The following ROBO1 variants were observed in gnomAD, a reference collection of about 807,000 sequenced individuals.
ROBO1 encodes the protein roundabout homolog 1.
ROBO1 carries 149 observed loss-of-function variants against 195.9 expected under a neutral mutation model. The ratio of observed to expected loss-of-function variants is 0.76; its 90% CI spans 0.67 to 0.87. The LOEUF is 0.87. ROBO1 is among the 40% of genes least tolerant of loss of function. ROBO1 has a pLI of 0.00. For synonymous variants in ROBO1, 816 were observed against 733.2 expected, an observed-to-expected ratio of 1.11 and a Z score of -1.82; for missense variants, 1,933 against 2,068.3, an observed-to-expected ratio of 0.93 and a Z score of 1.27.
Position 79,421,888 on chromosome 3 carries a change from A to T in ROBO1, c.88+167936T>A, listed in dbSNP as rs77539702. Among the ~76,000 whole-genome samples the T allele has an allele frequency of 8.3e-3, 1,267 of 151,876 alleles. 23 individuals carry two copies. Among genetic ancestry groups the T allele is most frequent in the African/African-American group, 0.029 (1,207 of 41,446 alleles). On this transcript the variant is annotated intron_variant, in intron 2 of 30. Coordinates refer to ENST00000464233, the MANE Select transcript of ROBO1 (RefSeq NM_002941.4). ...AAACCAAGACTCAGTGAAACTAAAT[A>T]TTTTGCACAAAACCACATAGCTATG... is the stretch of plus-strand genomic sequence containing the variant.
chr3:79,076,290 T>A (rs1481637776), intron 3 of ROBO1, among the ~76,000 whole-genome samples: 5 of 147,800 alleles, frequency 3.4e-5, no homozygotes, highest in African/African-American at 1.2e-4. Context: ...TAAATATACA[T>A]ATATAAAATG....
At chr3:78,724,513 T>TAAAAAAA (rs138643700) in intron 5 of ROBO1, among the ~76,000 whole-genome samples, 3 of 89,654 alleles carry the variant, frequency 3.3e-5, no homozygotes, top group African/African-American at 8.6e-5. Flanking sequence ...CCATCTCTAC[T>TAAAAAAA]AAAAAAAAAA....
intron 2 of ROBO1, among the ~76,000 whole-genome samples, chr3:79,340,912 AAT>A (rs1035055565): frequency 3.3e-5 from 5 of 152,204 alleles, no homozygotes. Flanking sequence ...GATTTTAGAT[AAT>A]ATAAAAGAGT....
intron 4 of ROBO1, among the ~76,000 whole-genome samples, chr3:78,937,337 G>A (rs1344911146): frequency 6.6e-6 from 1 of 151,646 alleles, no homozygotes; most frequent in African/African-American, 2.4e-5. Context: ...TGGAGACTAT[G>A]AAAACTAATT....
At chr3:79,666,790 C>A (rs1299853208) in intron 1 of ROBO1, among the ~76,000 whole-genome samples, 1 of 151,872 alleles carries the variant, frequency 6.6e-6, no homozygotes, top group African/African-American at 2.4e-5. Context: ...TTGACTAATA[C>A]ACTCACCATC....
At chr3:79,515,436 A>C (rs555349053) in intron 2 of ROBO1, among the ~76,000 whole-genome samples, 5 of 152,230 alleles carry the variant, frequency 3.3e-5, no homozygotes, top group Non-Finnish European at 7.3e-5. Context: ...TGCTTTTCAT[A>C]TAACACTTAT....
At chr3:78,724,279 GTGGGCTGTTCA>G (rs1348221430) in intron 5 of ROBO1, among the ~76,000 whole-genome samples, 1 of 152,022 alleles carries the variant, frequency 6.6e-6, no homozygotes, top group Non-Finnish European at 1.5e-5. Flanking sequence ...GGAATACATG[GTGGGCTGTTCA>G]TTTCAATAAA....
chr3:78,906,549 GC>G (rs2037933444), intron 4 of ROBO1, among the ~76,000 whole-genome samples: 1 of 152,062 alleles, frequency 6.6e-6, no homozygotes, highest in South Asian at 2.1e-4. Context: ...CTTAAGATAA[GC>G]AACTCTCCTG....
At chr3:79,213,089 C>T (rs1055771693) in intron 2 of ROBO1, among the ~76,000 whole-genome samples, 1 of 151,308 alleles carries the variant, frequency 6.6e-6, no homozygotes, top group African/African-American at 2.4e-5. Context: ...ACTAAAAATA[C>T]AAAAATTAGC....
At chr3:79,713,313 G>T (rs1702347277) in intron 1 of ROBO1, among the ~76,000 whole-genome samples, 1 of 152,044 alleles carries the variant, frequency 6.6e-6, no homozygotes. Flanking sequence ...TAGGGTTATG[G>T]TAGTCATAGA....
At chr3:79,494,666 A>C (rs1449362012) in intron 2 of ROBO1, among the ~76,000 whole-genome samples, 1 of 152,174 alleles carries the variant, frequency 6.6e-6, no homozygotes, top group Non-Finnish European at 1.5e-5. Flanking sequence ...AATAGAGGAG[A>C]ATAGTAAAGA....
In ROBO1 at chr3:78,940,285, C is replaced by T. The variant is rs549352659; in HGVS notation, c.173-1358G>A. 1.4e-4 allele frequency among the ~76,000 whole-genome samples: 21 copies of T among 152,316 alleles called. 1 individual carries two copies. The highest frequency in any genetic ancestry group is 5.1e-4 in the African/African-American group (21 of 41,576). On this transcript the variant is annotated intron_variant, in intron 3 of 30. Transcript: ENST00000464233. ...ACCATCACAAGTCCAACTACCGTCT[C>T]TTTCCACCAGGATGTAGGAAAGCCT...
intron 29 of ROBO1, among the ~76,000 whole-genome samples, chr3:78,603,944 A>AGAT (rs1229380802): frequency 6.6e-5 from 10 of 152,294 alleles, no homozygotes; most frequent in African/African-American, 9.6e-5. Context: ...AAATTTCTGA[A>AGAT]GATTGATTTT....
In ROBO1 at chr3:78,670,244, G is replaced by A. The variant is rs781271571; in HGVS notation, c.1400C>T (p.Ala467Val). ...IRQGPVNQTV[A>V]VDGTFVLSCV... ...GCTGAGGACGAAAGTGCCATCCACG[G>A]CTACAGTCTGATTCACAGGACCTTG... is the stretch of plus-strand genomic sequence containing the variant. The change falls in exon 11 of 31, where the codon GCC (alanine) becomes GTC (valine). Residue 467 changes from alanine to valine, a missense_variant. Ala to Val is a moderately conservative substitution (Grantham distance 64). Transcript: ENST00000464233. The A allele has an allele frequency of 2.1e-5, 33 of 1,594,578 alleles. No individual in the cohort carries two copies. The highest frequency in any genetic ancestry group is 2.7e-5 in the Non-Finnish European group (31 of 1,169,702).
intron 10 of ROBO1, among the ~76,000 whole-genome samples, chr3:78,672,704 C>T (rs879473739): frequency 6.6e-6 from 1 of 151,714 alleles, no homozygotes; most frequent in African/African-American, 2.4e-5. Context: ...ATAAAATACT[C>T]GTAAAATGTT....
chr3:78,769,239 G>T (rs1287726012), intron 4 of ROBO1, among the ~76,000 whole-genome samples: 3 of 152,120 alleles, frequency 2.0e-5, no homozygotes, highest in African/African-American at 7.2e-5. Flanking sequence ...AAATTTGGGA[G>T]CTCCAGTGTT....
chr3:78,723,296 G>A (rs2082085715), intron 5 of ROBO1, among the ~76,000 whole-genome samples: 1 of 152,088 alleles, frequency 6.6e-6, no homozygotes, highest in Non-Finnish European at 1.5e-5. Flanking sequence ...GGCCTAGGAG[G>A]AACTGGCTAT....
chr3:79,113,009 A>G (rs563624277), intron 3 of ROBO1, among the ~76,000 whole-genome samples: 151 of 152,304 alleles, frequency 9.9e-4, no homozygotes, highest in African/African-American at 3.5e-3. Context: ...TTTATCACCA[A>G]ATGGAGAGCT....
intron 2 of ROBO1, among the ~76,000 whole-genome samples, chr3:79,559,778 G>A (rs1478250509): frequency 1.2e-4 from 19 of 152,054 alleles, no homozygotes; most frequent in Admixed American, 2.0e-4. Context: ...TTAGCTGGGC[G>A]TGGTGGTGTG....
Sources: gnomAD v4.1 joint callset for allele counts (sites outside exome capture counted in the v4.1 genomes callset) on GRCh38, gnomAD v4.1.1 for gene constraint, MANE v1.5 for transcripts, NCBI Gene and HGNC (gene_info 2026-07-23, HGNC 2026-07-21) for gene names.